Variants in METTL17 observed in about 807,000 individuals in gnomAD.
METTL17 encodes the protein methyltransferase like 17, also known as ribosome assembly protein METTL17, mitochondrial.
METTL17 carries 49 observed loss-of-function variants against 59.4 expected under a neutral mutation model. The ratio of observed to expected loss-of-function variants is 0.82; its 90% CI spans 0.66 to 1.05. The LOEUF (loss-of-function observed/expected upper bound fraction) is 1.05, where lower values mean the gene tolerates loss of function less well. Ranked by LOEUF, METTL17 falls within the 50% of genes least tolerant of loss-of-function variation. The pLI, the probability that METTL17 is intolerant of heterozygous loss-of-function variation, is 0.00. For synonymous variants in METTL17, 208 were observed against 209.2 expected, an observed-to-expected ratio of 0.99 and a Z score of 0.05; for missense variants, 555 against 578.4, an observed-to-expected ratio of 0.96 and a Z score of 0.41.
intron 4 of METTL17, 27 bp from the exon 5 acceptor site, chr14:20,992,514 T>G (rs1202863044): frequency 6.5e-7 from 1 of 1,547,674 alleles, no homozygotes; most frequent in African/African-American, 1.4e-5. Flanking sequence ...TTTACTAGTA[T>G]GTACAACTCT....
At chr14:20,994,205 T>G in intron 7 of METTL17, 142 bp downstream of exon 7, 1 of 654,060 alleles carries the variant, frequency 1.5e-6, no homozygotes, top group Non-Finnish European at 2.6e-6. Flanking sequence ...AAGCAAAGGG[T>G]GGTATTAGAG....
chr14:20,994,667 T>A, intron 8 of METTL17, 54 bp downstream of exon 8: 1 of 1,582,812 alleles, frequency 6.3e-7, no homozygotes, highest in Non-Finnish European at 8.7e-7. Context: ...GATGGAAAAC[T>A]ATGGCTTGAG....
At chr14:20,994,126 T>A in intron 7 of METTL17, 63 bp downstream of exon 7, 4 of 1,181,692 alleles carry the variant, frequency 3.4e-6, no homozygotes, top group Non-Finnish European at 5.0e-6. Context: ...CTAGTAAAAG[T>A]GTTTTACTGG....
chr14:20,994,891 G>T lies in METTL17; in HGVS notation c.866G>T (p.Gly289Val), dbSNP rs2297717. Residue 289 changes from glycine (G) to valine (V), a missense_variant, in exon 9 of 14, where the codon GGT (glycine) becomes GTT (valine). Physicochemically the swap from Gly to Val is moderately radical, Grantham distance 109. Coordinates refer to ENST00000339374, the MANE Select transcript of METTL17 (RefSeq NM_022734.3). Reference sequence around the variant, plus strand: ...GTTCAAACCTTATGGCGTAAGACAGGTCATTTCCTGGTGAGTTAAAATTCC... The same window carrying T: ...GTTCAAACCTTATGGCGTAAGACAGTTCATTTCCTGGTGAGTTAAAATTCC... ...EVVQTLWRKT[G>V]HFLVLVENGT... 1.2e-6 allele frequency: 2 copies of T among 1,613,040 alleles called. No individual in the cohort carries two copies. Among genetic ancestry groups the T allele is most frequent in the East Asian group, 4.5e-5 (2 of 44,844 alleles).
intron 6 of METTL17, chr14:20,993,632 A>G (rs561438306): frequency 0.013 from 2,839 of 217,672 alleles, 35 homozygotes; most frequent in South Asian, 0.019. Flanking sequence ...ACGCCACCAC[A>G]CCCAGCTAAT....
At chr14:20,993,476 C>A (rs1347043182) in intron 6 of METTL17, 1 of 367,510 alleles carries the variant, frequency 2.7e-6, no homozygotes, top group East Asian at 4.8e-5. Flanking sequence ...TTGAGTCTAC[C>A]TTTTTTTTTT....
At position 20,993,974 on chromosome 14, in the gene METTL17, C is replaced by T; in HGVS notation, c.608C>T (p.Ala203Val). Residue 203 changes from alanine (A) to valine (V), a missense_variant, in exon 7 of 14, where the codon GCT becomes GTT. By Grantham distance (64) the Ala-to-Val change is moderately conservative. Transcript: ENST00000339374. ...TAATAATTTTGCCATCTTAGGGCTG[C>T]TCACAGTATTTGGGGCCAGAGCCTA... The part of the protein sequence containing the change: ...GSGTGSVTWA[A>V]HSIWGQSLRE... The T allele has an allele frequency of 6.2e-7, 1 of 1,613,008 alleles. No individual in the cohort carries two copies. The highest frequency in any genetic ancestry group is 8.5e-7 in the Non-Finnish European group (1 of 1,179,304).
In METTL17 at chr14:20,990,588, G is replaced by A. The variant is rs370981955; in HGVS notation, c.354G>A (p.Leu118=). The change falls in exon 3 of 14, where the codon CTG becomes CTA. Residue 118 remains leucine, a synonymous_variant. Coordinates refer to ENST00000339374, the MANE Select transcript of METTL17 (RefSeq NM_022734.3). ...CTAGGCATCTTGAGAAAAAATTCCT[G>A]GAAAACCCAGGTAGGACTTAAGAAT... The part of the protein sequence containing the change: ...RRARHLEKKF[L]ENPDLSQTEE... 13 of 1,614,016 alleles carry A rather than the reference G, an allele frequency of 8.1e-6. No homozygotes were observed. The African/African-American group carries it at 1.3e-4, about 17-fold the overall frequency.
At chr14:20,994,495 A>C (rs377458387) in intron 7 of METTL17, 48 bp from the exon 8 acceptor site, 22 of 1,475,694 alleles carry the variant, frequency 1.5e-5, no homozygotes, top group Non-Finnish European at 1.6e-5. Context: ...TCTTCAGTTT[A>C]TACCTAACTT....
chr14:20,994,112 G>A (rs752705486), intron 7 of METTL17, 49 bp downstream of exon 7: 2 of 1,352,622 alleles, frequency 1.5e-6, no homozygotes. Context: ...AAAGCAAAGG[G>A]GTACTAGTAA....
At chr14:20,994,677 G>A (rs974627358) in intron 8 of METTL17, 64 bp downstream of exon 8, 13 of 1,560,824 alleles carry the variant, frequency 8.3e-6, no homozygotes, top group African/African-American at 2.7e-5. Context: ...TATGGCTTGA[G>A]CTTTGCAGCC....
intron 7 of METTL17, 119 bp from the exon 8 acceptor site, chr14:20,994,424 C>T (rs142107426): frequency 2.7e-5 from 24 of 875,862 alleles, no homozygotes; most frequent in Non-Finnish European, 4.3e-5. Context: ...CCTGGCTCAT[C>T]CCTGCCCTTT....
chr14:20,996,138 A>G (rs1158258601), intron 11 of METTL17, 71 bp from the exon 12 acceptor site: 1 of 1,450,092 alleles, frequency 6.9e-7, no homozygotes, highest in Non-Finnish European at 9.7e-7. Context: ...TTTTGACTCT[A>G]TTATTCTCAG....
chr14:20,990,466 A>G lies in METTL17; in HGVS notation c.232A>G (p.Ser78Gly). 6.2e-7 allele frequency: 1 copy of G among 1,614,090 alleles called. No individual in the cohort carries two copies. Among genetic ancestry groups the G allele is most frequent in the African/African-American group, 1.3e-5 (1 of 75,034 alleles). Residue 78 changes from serine to glycine, a missense_variant and splice_region_variant, in exon 3 of 14, where the codon AGC becomes GGC. Ser to Gly is a moderately conservative substitution (Grantham distance 56, BLOSUM62 0). Coordinates refer to ENST00000339374, the MANE Select transcript of METTL17 (RefSeq NM_022734.3). ...ANGAQLLLLG[S>G]AGPTMENQVQ... ...CGCTTTTCGTCTTTGGCCCATAGGG[A>G]GCGCTGGGCCCACTATGGAGAATCA...
rs745432323 is a variant in METTL17, at chr14:20,989,983, T to G, written c.-20T>G. ...GGTCACAGGCACCTGTATTTCCGTT[T>G]CCGGTTCGCCTCCGGAGCCATGGCG... On this transcript the variant is annotated 5_prime_UTR_variant, in exon 1 of 14. Transcript: ENST00000339374. The G allele has an allele frequency of 1.9e-6, 3 of 1,570,986 alleles. No homozygotes were observed. The highest frequency in any genetic ancestry group is 1.7e-6 in the Non-Finnish European group (2 of 1,157,330).
At position 20,996,632 on chromosome 14, in the gene METTL17, C is replaced by T. The variant is rs1423744626; in HGVS notation, c.1186C>T (p.Pro396Ser). ...PRITQPVLKR[P>S]RHVHCHLCCP... ...TATCACTCAGCCTGTCCTTAAACGG[C>T]CTCGCCATGTGCATTGTCACTTGTG... The change falls in exon 13 of 14, where the codon CCT becomes TCT. Residue 396 changes from proline (P) to serine (S), a missense_variant. Transcript: ENST00000339374. The T allele has an allele frequency of 1.2e-6, 2 of 1,614,230 alleles. No homozygotes were observed. Among genetic ancestry groups the T allele is most frequent in the Non-Finnish European group, 1.7e-6 (2 of 1,180,048 alleles).
intron 5 of METTL17, 98 bp from the exon 6 acceptor site, chr14:20,993,020 C>T (rs948903831): frequency 3.0e-6 from 3 of 1,004,764 alleles, no homozygotes; most frequent in African/African-American, 3.2e-5. Flanking sequence ...AAGGCATTCA[C>T]ATCTCACATC....
intron 5 of METTL17, 31 bp from the exon 6 acceptor site, chr14:20,993,087 C>A (rs1484928995): frequency 1.3e-6 from 2 of 1,595,892 alleles, no homozygotes; most frequent in South Asian, 1.1e-5. Flanking sequence ...TATCTAATTA[C>A]CCTACTGTGG....
rs1289448235 is a variant in METTL17 at position 20,995,150 on chromosome 14, C to G, written c.877-15C>G. On this transcript the variant is annotated splice_polypyrimidine_tract_variant and intron_variant, in intron 9 of 13. Coordinates refer to ENST00000339374, the MANE Select transcript of METTL17 (RefSeq NM_022734.3). ...TAATTCAAGTCTTCTGCATATTTTC[C>G]CCTTTTGTGAACAGGTACTGGTGGA... 1 of 1,612,304 alleles carries G rather than the reference C, an allele frequency of 6.2e-7. No individual in the cohort carries two copies. Among genetic ancestry groups the G allele is most frequent in the Non-Finnish European group, 8.5e-7 (1 of 1,178,378 alleles).
Sources: allele counts gnomAD v4.1 joint callset, GRCh38; gene constraint gnomAD v4.1.1; transcripts MANE v1.5; gene names NCBI Gene and HGNC (gene_info 2026-07-23, HGNC 2026-07-21).